Variants in TRAK1 observed in about 807,000 individuals in gnomAD.
TRAK1 encodes the protein trafficking kinesin protein 1, also known as trafficking kinesin-binding protein 1.
Under a neutral mutation model 92.1 loss-of-function variants are expected in TRAK1, and 33 were observed. The ratio of observed to expected loss-of-function variants is 0.36; its 90% confidence interval spans 0.27 to 0.48. The LOEUF is 0.48. Ranked by LOEUF, TRAK1 falls within the 20% of genes least tolerant of loss-of-function variation. The pLI, the probability that TRAK1 is intolerant of heterozygous loss-of-function variation, is 0.99. For missense variants in TRAK1, 1,123 were observed against 1,257.9 expected, an observed-to-expected ratio of 0.89 and a Z score of 1.62; for synonymous variants, 521 against 517.3, an observed-to-expected ratio of 1.01 and a Z score of -0.10.
chr3:42,043,171 A>G (rs1338658160), intron 1 of TRAK1, among the ~76,000 whole-genome samples: 1 of 151,934 alleles, frequency 6.6e-6, no homozygotes, highest in Admixed American at 6.6e-5. Flanking sequence ...CAGCTTAGCA[A>G]CCATTTCAAG....
At chr3:42,189,412 G>C (rs1705351080) in intron 6 of TRAK1, among the ~76,000 whole-genome samples, 1 of 152,210 alleles carries the variant, frequency 6.6e-6, no homozygotes, top group African/African-American at 2.4e-5. Flanking sequence ...GGTCTCCCAT[G>C]GTGTTCTCCA....
chr3:42,144,922 CT>C (rs1286157207), intron 2 of TRAK1, among the ~76,000 whole-genome samples: 1 of 152,134 alleles, frequency 6.6e-6, no homozygotes, highest in Non-Finnish European at 1.5e-5. Flanking sequence ...TATTACATTT[CT>C]TCAATTATTC....
intron 1 of TRAK1, among the ~76,000 whole-genome samples, chr3:42,100,084 G>C (rs1706528174): frequency 6.6e-6 from 1 of 152,198 alleles, no homozygotes; most frequent in Admixed American, 6.5e-5. Context: ...CCAGGGTTAG[G>C]ACCAGTGGCT....
chr3:42,160,560 T>G, intron 2 of TRAK1: 1 of 1,353,266 alleles, frequency 7.4e-7, no homozygotes, highest in East Asian at 2.5e-5. Context: ...ATAGCACTGT[T>G]TTGTTTTTGT....
intron 1 of TRAK1, among the ~76,000 whole-genome samples, chr3:42,044,393 C>T (rs1467454110): frequency 6.6e-6 from 1 of 152,216 alleles, no homozygotes; most frequent in Non-Finnish European, 1.5e-5. Flanking sequence ...AACTCCTGAG[C>T]TCAAGAGATC....
intron 1 of TRAK1, among the ~76,000 whole-genome samples, chr3:42,071,544 C>A (rs1469408583): frequency 6.6e-6 from 1 of 152,040 alleles, no homozygotes; most frequent in Non-Finnish European, 1.5e-5. Context: ...CCCGTCTCTA[C>A]TAAAAATACA....
chr3:42,028,486 A>T (rs1166239713), intron 1 of TRAK1, among the ~76,000 whole-genome samples: 1 of 152,188 alleles, frequency 6.6e-6, no homozygotes, highest in African/African-American at 2.4e-5. Context: ...GTAGTAATAG[A>T]TGTAGGATAT....
At chr3:42,108,381 C>T (rs1256261546) in intron 1 of TRAK1, among the ~76,000 whole-genome samples, 1 of 150,744 alleles carries the variant, frequency 6.6e-6, no homozygotes, top group Non-Finnish European at 1.5e-5. Flanking sequence ...GTCCTAGCTA[C>T]TTGGGAAGCT....
At chr3:42,014,902 T>C (rs1394673121) in intron 1 of TRAK1, among the ~76,000 whole-genome samples, 1 of 152,126 alleles carries the variant, frequency 6.6e-6, no homozygotes, top group East Asian at 1.9e-4. Context: ...TCGGGACTGG[T>C]AACCTTTTCT....
chr3:42,073,103 C>A (rs1256659637), intron 1 of TRAK1, among the ~76,000 whole-genome samples: 2 of 152,220 alleles, frequency 1.3e-5, no homozygotes, highest in Admixed American at 1.3e-4. Flanking sequence ...CAAGTCTGCC[C>A]TGAAGTCATT....
chr3:42,179,510 GCCT>G (rs1703703275), intron 3 of TRAK1, among the ~76,000 whole-genome samples: 1 of 152,238 alleles, frequency 6.6e-6, no homozygotes, highest in Non-Finnish European at 1.5e-5. Flanking sequence ...GGCAGAGCTT[GCCT>G]CCTCCTCGGT....
intron 1 of TRAK1, among the ~76,000 whole-genome samples, chr3:42,064,444 T>G (rs1703588475): frequency 2.0e-5 from 3 of 152,018 alleles, no homozygotes; most frequent in Admixed American, 6.6e-5. Flanking sequence ...ATAAAATAAA[T>G]TTTTGAACTT....
chr3:42,177,062 T>G (rs1703325065), intron 3 of TRAK1, among the ~76,000 whole-genome samples, 172 bp downstream of exon 3: 1 of 152,242 alleles, frequency 6.6e-6, no homozygotes, highest in Non-Finnish European at 1.5e-5. Flanking sequence ...TAGGCCTTTA[T>G]AGCTGTAATT....
chr3:42,219,424 A>G (rs1577069160), intron 14 of TRAK1, 70 bp from the exon 15 acceptor site: 7 of 1,611,734 alleles, frequency 4.3e-6, no homozygotes, highest in Non-Finnish European at 5.9e-6. Context: ...GTTGAGTGAC[A>G]TGCTGGATTT....
intron 1 of TRAK1, among the ~76,000 whole-genome samples, chr3:42,018,910 T>C (rs12152489): frequency 0.11 from 16,487 of 152,136 alleles, 1,065 homozygotes; most frequent in Middle Eastern, 0.26. Context: ...GATTGCGAGG[T>C]CATGAGATCG....
intron 1 of TRAK1, among the ~76,000 whole-genome samples, chr3:42,017,002 G>A (rs1165877451): frequency 6.6e-6 from 1 of 152,186 alleles, no homozygotes. Flanking sequence ...GCTCACACCT[G>A]TAATCCTAGC....
chr3:42,202,440 G>C lies in TRAK1; in HGVS notation c.1432G>C (p.Asp478His), dbSNP rs1707761332. ...CACACCCCTTTCTTCTTCCAGAAAC[G>C]ATGAGCGGAGTAAGAAGCCGGGGAC... is the stretch of plus-strand genomic sequence containing the variant. ...LETEAADLGN[D>H]ERSKKPGTPG... The change falls in exon 13 of 16, where the codon GAT (aspartate) becomes CAT (histidine). Residue 478 changes from aspartate to histidine, a missense_variant. Asp to His is a moderately conservative substitution (Grantham distance 81). Around this residue, in one of 3 missense-constraint regions of TRAK1, gnomAD observed 686 missense variants for 747.6 expected, o/e 0.92. Transcript: ENST00000327628. The surrounding 1 kb of genome is among the most constrained non-coding windows in gnomAD (Gnocchi z 6.1). 5 of 1,476,936 alleles carry C rather than the reference G, an allele frequency of 3.4e-6. No homozygotes were observed. In the Admixed American group the frequency reaches 1.2e-4, roughly 34 times the overall value. The allele number at this position is 1,476,936 out of a possible 1,614,324, so 91.5% of individuals were successfully genotyped here. A position where few individuals can be genotyped will look rare whatever the true frequency, so the allele number is the denominator to read the frequency against.
intron 1 of TRAK1, among the ~76,000 whole-genome samples, chr3:42,105,201 G>T (rs1164407668): frequency 6.6e-6 from 1 of 152,032 alleles, no homozygotes; most frequent in Non-Finnish European, 1.5e-5. Flanking sequence ...TGATCCACCC[G>T]CCTCGGCCTC....
intron 4 of TRAK1, among the ~76,000 whole-genome samples, chr3:42,185,618 A>C (rs1250830982): frequency 6.6e-6 from 1 of 150,958 alleles, no homozygotes; most frequent in East Asian, 1.9e-4. Context: ...CTAACAGTTA[A>C]TTTTAACTGT....
Sources: allele counts gnomAD v4.1 joint callset (sites outside exome capture counted in the v4.1 genomes callset), GRCh38; gene constraint gnomAD v4.1.1; regional missense constraint gnomAD v4.1.1; non-coding constraint Gnocchi (gnomAD v3.1); transcripts MANE v1.5; gene names NCBI Gene and HGNC (gene_info 2026-07-23, HGNC 2026-07-21).